The following COL4A3 variants were observed in gnomAD, a reference collection of about 807,000 sequenced individuals.
COL4A3 encodes the protein collagen type IV alpha 3 chain, also known as collagen alpha-3(IV) chain.
A neutral mutation model predicts 217.4 loss-of-function variants in COL4A3; 135 were observed. The observed-to-expected ratio is 0.62, with a 90% confidence interval of 0.54 to 0.72. The LOEUF (loss-of-function observed/expected upper bound fraction) is 0.72. Ranked by LOEUF, COL4A3 falls within the 30% of genes least tolerant of loss-of-function variation. The probability of loss-of-function intolerance (pLI) is 0.00; values close to 1 mark genes in which losing one functional copy is unlikely to be tolerated. For synonymous variants in COL4A3, 690 were observed against 736.3 expected, an observed-to-expected ratio of 0.94 and a Z score of 1.02; for missense variants, 1,868 against 2,119.9, an observed-to-expected ratio of 0.88 and a Z score of 2.33.
At chr2:227,242,783 T>C (rs977497325) in intron 3 of COL4A3, among the ~76,000 whole-genome samples, 1 of 152,226 alleles carries the variant, frequency 6.6e-6, no homozygotes, top group African/African-American at 2.4e-5. Flanking sequence ...ATGTCACATA[T>C]ATGATGCCAG....
chr2:227,245,123 G>T, intron 5 of COL4A3, 128 bp downstream of exon 5: 1 of 864,808 alleles, frequency 1.2e-6, no homozygotes, highest in South Asian at 1.4e-5. Context: ...AGCACCTTAG[G>T]ATGGTATATT....
chr2:227,301,786 T>A (rs75670103), intron 43 of COL4A3: 1 of 152,206 alleles, frequency 6.6e-6, no homozygotes, highest in African/African-American at 2.4e-5. Context: ...CCCTTTTTCA[T>A]AGTTACCTTA....
At chr2:227,241,903 C>CAG in intron 3 of COL4A3, among the ~76,000 whole-genome samples, 1 of 152,074 alleles carries the variant, frequency 6.6e-6, no homozygotes, top group South Asian at 2.1e-4. Context: ...GATGAGAAAA[C>CAG]GGACACAGAG....
chr2:227,172,767 A>G (rs913869344), intron 1 of COL4A3, among the ~76,000 whole-genome samples: 3 of 151,466 alleles, frequency 2.0e-5, no homozygotes, highest in Admixed American at 2.0e-4. Flanking sequence ...TTGTATTTTT[A>G]GTAGAGATGG....
chr2:227,180,635 T>C (rs935281892), intron 1 of COL4A3, among the ~76,000 whole-genome samples: 1 of 152,174 alleles, frequency 6.6e-6, no homozygotes, highest in Admixed American at 6.5e-5. Context: ...TCACTAAAAT[T>C]CCAAGGCCAC....
chr2:227,307,991 C>A, intron 48 of COL4A3, 72 bp downstream of exon 48: 1 of 1,367,796 alleles, frequency 7.3e-7, no homozygotes, highest in Non-Finnish European at 1.0e-6. Context: ...GCCTAGGATG[C>A]TTCCCTCTGA....
intron 1 of COL4A3, among the ~76,000 whole-genome samples, chr2:227,207,119 C>T (rs1391074496): frequency 2.0e-5 from 3 of 152,088 alleles, no homozygotes; most frequent in Admixed American, 6.6e-5. Context: ...CCTGTCCTAC[C>T]CTCCAAGCCA....
At chr2:227,244,449 CTG>C in intron 4 of COL4A3, 85 bp downstream of exon 4, 2 of 1,253,128 alleles carry the variant, frequency 1.6e-6, no homozygotes, top group Non-Finnish European at 2.3e-6. Flanking sequence ...AAGGAGTACA[CTG>C]TGTATGGTTC....
At position 227,164,875 on chromosome 2, in the gene COL4A3, G is replaced by T. The variant is rs1021725200; in HGVS notation, c.87+62G>T. On this transcript the variant is annotated intron_variant, in intron 1 of 51. Coordinates refer to ENST00000396578, the MANE Select transcript of COL4A3 (RefSeq NM_000091.5). The surrounding 1 kb of genome is among the most constrained non-coding windows in gnomAD (Gnocchi z 4.8). ...CCATCCCTCCTCCACGCGTCCGGGG[G>T]ACGCGCTGGCCCCACCCGCAGCGGC... is the stretch of plus-strand genomic sequence containing the variant. The T allele has an allele frequency of 2.8e-6, 4 of 1,424,040 alleles. No homozygotes were observed. Among genetic ancestry groups the T allele is most frequent in the African/African-American group, 3.0e-5 (2 of 66,506 alleles). The allele number at this position is 1,424,040 out of a possible 1,614,324, so 88.2% of individuals were successfully genotyped here. A position where few individuals can be genotyped will look rare whatever the true frequency, so the allele number is the denominator to read the frequency against.
At chr2:227,244,880 TTA>T in intron 4 of COL4A3, 69 bp from the exon 5 acceptor site, 3 of 1,454,712 alleles carry the variant, frequency 2.1e-6, no homozygotes, top group Non-Finnish European at 2.9e-6. Context: ...GTAAATAAAT[TTA>T]TGTTTATAGA....
rs2125904309 is a variant in COL4A3 at position 227,244,319 on chromosome 2, G to A, written c.235-1G>A. On this transcript the variant is annotated splice_acceptor_variant, in intron 3 of 51. Coordinates refer to ENST00000396578, the MANE Select transcript of COL4A3 (RefSeq NM_000091.5). LOFTEE classifies it high-confidence loss of function. ...CTTTTTCTTTTTTCACTTGAATCTA[G>A]GGCTTTCCAGGACTTCCAGGACTCA... 1 of 1,613,774 alleles carries A rather than the reference G, an allele frequency of 6.2e-7. No homozygotes were observed. Among genetic ancestry groups the A allele is most frequent in the Non-Finnish European group, 8.5e-7 (1 of 1,179,846 alleles).
At chr2:227,170,243 G>GTAAC (rs1202460072) in intron 1 of COL4A3, among the ~76,000 whole-genome samples, 1 of 151,978 alleles carries the variant, frequency 6.6e-6, no homozygotes, top group Non-Finnish European at 1.5e-5. Context: ...ATTTTTTTAT[G>GTAAC]TAACTAGTCA....
intron 1 of COL4A3, among the ~76,000 whole-genome samples, chr2:227,236,227 C>T (rs538355245): frequency 2.6e-5 from 4 of 152,236 alleles, no homozygotes; most frequent in South Asian, 2.1e-4. Context: ...GTGTATTTTT[C>T]GTATAATGAC....
chr2:227,235,724 A>G (rs1199239579), intron 1 of COL4A3, among the ~76,000 whole-genome samples: 1 of 150,220 alleles, frequency 6.7e-6, no homozygotes, highest in African/African-American at 2.5e-5. Flanking sequence ...ACTTAGAATA[A>G]TGGTCTCCAA....
At chr2:227,264,966 A>C (rs2070801144) in intron 21 of COL4A3, 1 of 152,236 alleles carries the variant, frequency 6.6e-6, no homozygotes, top group South Asian at 2.1e-4. Context: ...GTCCAGCAGA[A>C]AGCTTTCAGT....
At chr2:227,243,687 A>T in intron 3 of COL4A3, among the ~76,000 whole-genome samples, 1 of 152,256 alleles carries the variant, frequency 6.6e-6, no homozygotes, top group Non-Finnish European at 1.5e-5. Flanking sequence ...CTTTCACACC[A>T]CGTGGCCTAG....
intron 8 of COL4A3, among the ~76,000 whole-genome samples, chr2:227,247,840 A>C (rs1385470096): frequency 6.6e-6 from 1 of 152,132 alleles, no homozygotes; most frequent in Non-Finnish European, 1.5e-5. Context: ...AAGAAAACTG[A>C]CCTCATGCTC....
intron 1 of COL4A3, among the ~76,000 whole-genome samples, chr2:227,185,801 G>A (rs1456544820): frequency 1.3e-5 from 2 of 152,194 alleles, no homozygotes; most frequent in African/African-American, 4.8e-5. Flanking sequence ...AAATCCCCAG[G>A]GATTCTGGCT....
intron 34 of COL4A3, 31 bp from the exon 35 acceptor site, chr2:227,289,119 T>A (rs760954656): frequency 1.3e-6 from 2 of 1,586,784 alleles, no homozygotes; most frequent in Non-Finnish European, 8.6e-7. Context: ...CCTGGCTAAT[T>A]TTCTTGTTAA....
Sources: allele counts gnomAD v4.1 joint callset (sites outside exome capture counted in the v4.1 genomes callset), GRCh38; gene constraint gnomAD v4.1.1; non-coding constraint Gnocchi (gnomAD v3.1); transcripts MANE v1.5; gene names NCBI Gene and HGNC (gene_info 2026-07-23, HGNC 2026-07-21).